CCDC170: variants seen among roughly 807,000 people sequenced by gnomAD.
CCDC170 encodes the protein coiled-coil domain containing 170, also known as coiled-coil domain-containing protein 170.
A neutral mutation model predicts 72.6 loss-of-function variants in CCDC170; 69 were observed. The ratio of observed to expected loss-of-function variants is 0.95; its 90% CI spans 0.78 to 1.16. CCDC170 has a LOEUF of 1.16. CCDC170 is among the 50% of genes most tolerant of loss of function. The pLI is 0.00. For synonymous variants in CCDC170, 300 were observed against 303.9 expected (o/e 0.99, Z 0.13); for missense variants, 852 against 832.5 (o/e 1.02, Z -0.29).
At chr6:151,610,071 A>G (rs1258208171) in intron 9 of CCDC170, among the ~76,000 whole-genome samples, 1 of 152,198 alleles carries the variant, frequency 6.6e-6, no homozygotes, top group Non-Finnish European at 1.5e-5. Context: ...AATCCCAGCA[A>G]TTTACCATTT....
In CCDC170 at chr6:151,548,490, GT is replaced by G; in HGVS notation, c.774+2del. On this transcript the variant is annotated splice_donor_variant, in intron 5 of 10. Transcript: ENST00000239374. LOFTEE classifies it high-confidence loss of function. The stretch of plus-strand genomic sequence containing the variant: ...TGAAGAGAAAGAGAAGCTGAACCAG[GT>G]ATGATATGTGAAGTATACGTGTGCA... The G allele has an allele frequency of 6.4e-7, 1 of 1,572,392 alleles. No homozygotes were observed.
intron 5 of CCDC170, among the ~76,000 whole-genome samples, chr6:151,571,343 C>G (rs1236371945): frequency 2.7e-5 from 4 of 150,504 alleles, no homozygotes; most frequent in Non-Finnish European, 5.9e-5. Context: ...TACCAGTTAA[C>G]TAGGTAGCAA....
rs199855937 is a variant in CCDC170, at chr6:151,586,099, C to T, written c.1293+10C>T. On this transcript the variant is annotated intron_variant, in intron 7 of 10. Transcript: ENST00000239374. The stretch of plus-strand genomic sequence containing the variant: ...TTTTGAGAAACAAAAAGTAATGACC[C>T]GAGGGCATGTCCATGAGTGGAAGCA... 1.8e-3 allele frequency: 2,860 copies of T among 1,613,024 alleles called. 6 individuals are homozygous for T. Among genetic ancestry groups the T allele is most frequent in the Non-Finnish European group, 2.1e-3 (2,476 of 1,179,342 alleles).
chr6:151,566,983 C>T (rs1317200243), intron 5 of CCDC170, among the ~76,000 whole-genome samples: 5 of 151,956 alleles, frequency 3.3e-5, no homozygotes, highest in South Asian at 2.1e-4. Flanking sequence ...TGCAATGGTG[C>T]GATCTCAGCT....
At chr6:151,511,291 T>C (rs1677421562) in intron 1 of CCDC170, among the ~76,000 whole-genome samples, 1 of 152,190 alleles carries the variant, frequency 6.6e-6, no homozygotes, top group Non-Finnish European at 1.5e-5. Flanking sequence ...GGGGCTATTG[T>C]TTGCCCCCTA....
At chr6:151,496,001 T>C (rs974253564) in intron 1 of CCDC170, among the ~76,000 whole-genome samples, 5 of 152,242 alleles carry the variant, frequency 3.3e-5, no homozygotes, top group South Asian at 2.1e-4. Context: ...GATCACACAC[T>C]GTATTTAGTT....
At chr6:151,611,237 T>C (rs572958855) in intron 9 of CCDC170, among the ~76,000 whole-genome samples, 1 of 149,604 alleles carries the variant, frequency 6.7e-6, no homozygotes, top group South Asian at 2.1e-4. Context: ...ATTGTGCCAC[T>C]TCACTCCAGT....
chr6:151,598,619 C>A (rs777707422), intron 9 of CCDC170, among the ~76,000 whole-genome samples: 23 of 152,124 alleles, frequency 1.5e-4, no homozygotes, highest in Non-Finnish European at 3.1e-4. Context: ...GATTCAGGGG[C>A]AGCATGAGGG....
At chr6:151,541,300 A>G (rs1782686919) in intron 3 of CCDC170, among the ~76,000 whole-genome samples, 1 of 152,146 alleles carries the variant, frequency 6.6e-6, no homozygotes, top group African/African-American at 2.4e-5. Flanking sequence ...CTCTAGTCCT[A>G]TTATGATGTA....
At chr6:151,534,026 T>C (rs1782536233) in intron 1 of CCDC170, among the ~76,000 whole-genome samples, 1 of 152,008 alleles carries the variant, frequency 6.6e-6, no homozygotes, top group Non-Finnish European at 1.5e-5. Flanking sequence ...ATACACAGCT[T>C]CTTTTCTTTC....
Position 151,569,004 on chromosome 6 carries a change from C to T in CCDC170, c.775-4170C>T, listed in dbSNP as rs1203440642. 2.0e-5 allele frequency among the ~76,000 whole-genome samples: 3 copies of T among 152,220 alleles called. No homozygotes were observed. In the East Asian group the frequency reaches 5.8e-4, roughly 29 times the overall value. On this transcript the variant is annotated intron_variant, in intron 5 of 10. Coordinates refer to ENST00000239374, the MANE Select transcript of CCDC170 (RefSeq NM_025059.4). ...AAGTTTTGTTATGTATTTATGCCAA[C>T]AATTTATACCAAAATTATACCTGTT...
At chr6:151,612,694 C>T (rs1041882474) in intron 9 of CCDC170, among the ~76,000 whole-genome samples, 11 of 152,098 alleles carry the variant, frequency 7.2e-5, no homozygotes, top group Non-Finnish European at 1.6e-4. Context: ...AAATTCTACC[C>T]TAGAAGCAAT....
At chr6:151,528,323 T>G (rs1782442751) in intron 1 of CCDC170, among the ~76,000 whole-genome samples, 1 of 152,102 alleles carries the variant, frequency 6.6e-6, no homozygotes, top group Admixed American at 6.6e-5. Context: ...TTTCAGAAAA[T>G]TTTATGAACT....
At position 151,596,509 on chromosome 6, in the gene CCDC170, G is replaced by T. The variant is rs1776627073; in HGVS notation, c.1642G>T (p.Glu548Ter). 1 of 1,614,160 alleles carries T rather than the reference G, an allele frequency of 6.2e-7. No homozygotes were observed. The change falls in exon 9 of 11, where the codon GAG becomes TAG. Residue 548 changes from glutamate to a stop codon, truncating the protein, a stop_gained. Coordinates refer to ENST00000239374, the MANE Select transcript of CCDC170 (RefSeq NM_025059.4). LOFTEE classifies it high-confidence loss of function. ...LQKKVERLQK[E>*]LNTCRDLHTE... ...GAAGAAGGTGGAGAGGCTGCAGAAA[G>T]AGCTGAACACGTGTCGAGACTTGCA... is the stretch of plus-strand genomic sequence containing the variant.
chr6:151,537,558 A>G (rs1782609979), intron 2 of CCDC170, among the ~76,000 whole-genome samples: 1 of 152,160 alleles, frequency 6.6e-6, no homozygotes, highest in African/African-American at 2.4e-5. Flanking sequence ...CAGAAATTTA[A>G]ATGTTATTTT....
intron 6 of CCDC170, among the ~76,000 whole-genome samples, chr6:151,581,756 A>C (rs559394179): frequency 6.6e-6 from 1 of 152,342 alleles, no homozygotes; most frequent in East Asian, 1.9e-4. Flanking sequence ...TTATTCCTTG[A>C]TCCATGGGCT....
At chr6:151,513,481 A>C (rs1782178124) in intron 1 of CCDC170, among the ~76,000 whole-genome samples, 1 of 151,884 alleles carries the variant, frequency 6.6e-6, no homozygotes, top group South Asian at 2.1e-4. Flanking sequence ...ATGGTGGTGC[A>C]CACCTGTAGT....
intron 5 of CCDC170, among the ~76,000 whole-genome samples, chr6:151,560,311 T>C (rs1017231804): frequency 4.6e-5 from 7 of 152,190 alleles, no homozygotes; most frequent in African/African-American, 1.4e-4. Flanking sequence ...TATTCCACTG[T>C]GGTCAGAGAA....
intron 1 of CCDC170, among the ~76,000 whole-genome samples, chr6:151,502,338 G>A (rs959583130): frequency 1.3e-5 from 2 of 152,184 alleles, no homozygotes; most frequent in Non-Finnish European, 2.9e-5. Flanking sequence ...TCCCTCATTA[G>A]TGCCATAGGG....
Sources: allele counts gnomAD v4.1 joint callset (sites outside exome capture counted in the v4.1 genomes callset), GRCh38; gene constraint gnomAD v4.1.1; transcripts MANE v1.5; gene names NCBI Gene and HGNC (gene_info 2026-07-23, HGNC 2026-07-21).